The following DDX10 variants were observed in gnomAD, a reference collection of about 807,000 sequenced individuals.
DDX10 encodes probable ATP-dependent RNA helicase DDX10.
In DDX10, 74 loss-of-function variants were observed where a neutral mutation model predicts 104.3. The ratio of observed to expected loss-of-function variants is 0.71; its 90% CI spans 0.59 to 0.86. The LOEUF is 0.86. Among genes scored for constraint, DDX10 ranks in the 40% least tolerant of loss-of-function variants. DDX10 has a pLI of 0.00. For synonymous variants in DDX10, 351 were observed against 353.4 expected, an observed-to-expected ratio of 0.99 and a Z score of 0.08; for missense variants, 952 against 1,040.0, an observed-to-expected ratio of 0.92 and a Z score of 1.16.
chr11:108,896,870 A>C (rs990848344), intron 16 of DDX10, among the ~76,000 whole-genome samples: 5 of 151,840 alleles, frequency 3.3e-5, no homozygotes, highest in African/African-American at 7.3e-5. Flanking sequence ...GACTGGGGGG[A>C]AAAAAAATCC....
intron 1 of DDX10, among the ~76,000 whole-genome samples, chr11:108,668,277 A>G (rs1171829375): frequency 6.6e-6 from 1 of 152,240 alleles, no homozygotes; most frequent in African/African-American, 2.4e-5. Flanking sequence ...GAAGTGAAAA[A>G]GGAGTTCTAA....
At chr11:108,682,075 CT>C (rs1430133228) in intron 6 of DDX10, among the ~76,000 whole-genome samples, 3 of 151,836 alleles carry the variant, frequency 2.0e-5, no homozygotes, top group African/African-American at 7.3e-5. Flanking sequence ...TAAAATGTTT[CT>C]TTTCATCTTT....
At chr11:108,828,620 T>G (rs996668457) in intron 13 of DDX10, among the ~76,000 whole-genome samples, 1 of 152,182 alleles carries the variant, frequency 6.6e-6, no homozygotes, top group Non-Finnish European at 1.5e-5. Flanking sequence ...TAGGTGGGTC[T>G]TAATTTTAAG....
chr11:108,755,724 T>C (rs1049869750), intron 13 of DDX10, among the ~76,000 whole-genome samples: 1 of 152,040 alleles, frequency 6.6e-6, no homozygotes, highest in Non-Finnish European at 1.5e-5. Flanking sequence ...ACGTTGGCTC[T>C]GGAGTAAAAC....
At chr11:108,906,023 A>G (rs569864686) in intron 16 of DDX10, among the ~76,000 whole-genome samples, 4 of 152,240 alleles carry the variant, frequency 2.6e-5, no homozygotes, top group Non-Finnish European at 5.9e-5. Flanking sequence ...ATTGGGGATT[A>G]CAATTCAACA....
Position 108,792,143 on chromosome 11 carries a change from T to A in DDX10, c.1966-46303T>A, listed in dbSNP as rs187515499. 7.2e-4 allele frequency among the ~76,000 whole-genome samples: 109 copies of A among 152,322 alleles called. 1 individual carries two copies. Among genetic ancestry groups the A allele is most frequent in the Admixed American group, 1.5e-3 (23 of 15,292 alleles). ...TTGTTTATCTTTCTAATACTTAGTT[T>A]TAAGATTCTTGACTATATTTGGGTA... On this transcript the variant is annotated intron_variant, in intron 13 of 17. Coordinates refer to ENST00000322536, the MANE Select transcript of DDX10 (RefSeq NM_004398.4).
intron 17 of DDX10, among the ~76,000 whole-genome samples, chr11:108,936,399 TA>T (rs1212291709): frequency 6.6e-6 from 1 of 152,170 alleles, no homozygotes; most frequent in African/African-American, 2.4e-5. Context: ...CTTGTGGAAT[TA>T]AAAAGAGTAA....
intron 17 of DDX10, among the ~76,000 whole-genome samples, chr11:108,937,114 A>AG (rs1481391479): frequency 6.6e-6 from 1 of 152,184 alleles, no homozygotes; most frequent in Non-Finnish European, 1.5e-5. Flanking sequence ...TTGAAGGACA[A>AG]GGGGAAGACC....
intron 16 of DDX10, among the ~76,000 whole-genome samples, chr11:108,870,382 C>T (rs1038464513): frequency 6.6e-6 from 1 of 152,194 alleles, no homozygotes; most frequent in Non-Finnish European, 1.5e-5. Flanking sequence ...TTCAGACCCC[C>T]ATCCTTTAAG....
intron 13 of DDX10, among the ~76,000 whole-genome samples, chr11:108,754,483 T>G (rs572033449): frequency 5.3e-5 from 8 of 152,200 alleles, no homozygotes; most frequent in Non-Finnish European, 1.2e-4. Flanking sequence ...TATTTAATCC[T>G]TCATATTTTT....
intron 17 of DDX10, among the ~76,000 whole-genome samples, chr11:108,927,076 C>A (rs1012885386): frequency 3.9e-5 from 6 of 152,166 alleles, no homozygotes; most frequent in African/African-American, 1.4e-4. Flanking sequence ...CTGTTCTCCA[C>A]CTCCAGACAC....
At chr11:108,820,959 A>T (rs1326949645) in intron 13 of DDX10, among the ~76,000 whole-genome samples, 12 of 152,188 alleles carry the variant, frequency 7.9e-5, no homozygotes, top group Admixed American at 6.5e-4. Context: ...TTTGAGTGTT[A>T]CTCTCAAAGA....
At chr11:108,717,461 C>T (rs2094292985) in intron 11 of DDX10, among the ~76,000 whole-genome samples, 1 of 152,134 alleles carries the variant, frequency 6.6e-6, no homozygotes, top group Admixed American at 6.5e-5. Context: ...AGGCATGCGC[C>T]ACCACACCCG....
intron 16 of DDX10, among the ~76,000 whole-genome samples, chr11:108,900,940 A>G (rs1863509468): frequency 6.6e-6 from 1 of 152,070 alleles, no homozygotes; most frequent in Non-Finnish European, 1.5e-5. Context: ...CCATCACCTA[A>G]TTGCCCTCCT....
chr11:108,924,857 G>C lies in DDX10; in HGVS notation c.2450+6839G>C, dbSNP rs771966506. On this transcript the variant is annotated intron_variant, in intron 17 of 17. Coordinates refer to ENST00000322536, the MANE Select transcript of DDX10 (RefSeq NM_004398.4). ...AAAAGAGCTTTTTCTTAGTCTAGGT[G>C]ATTGTTTAAAAAAACTACTATTCAC... is the stretch of plus-strand genomic sequence containing the variant. Among the ~76,000 whole-genome samples the C allele has an allele frequency of 5.9e-4, 90 of 152,118 alleles. 1 individual carries two copies. Among genetic ancestry groups the C allele is most frequent in the Non-Finnish European group, 1.1e-3 (76 of 68,012 alleles).
chr11:108,708,456 A>G (rs2094279692), intron 10 of DDX10, among the ~76,000 whole-genome samples: 1 of 149,982 alleles, frequency 6.7e-6, no homozygotes, highest in Non-Finnish European at 1.5e-5. Context: ...ATGTGCTAAT[A>G]TTTTGTTAGA....
chr11:108,907,345 T>TTC (rs1555039727), intron 16 of DDX10, among the ~76,000 whole-genome samples: 4 of 149,140 alleles, frequency 2.7e-5, no homozygotes, highest in South Asian at 2.2e-4. Flanking sequence ...TTTTTTTTTT[T>TTC]CCTTTTTTGA....
chr11:108,758,174 G>A (rs2094346755), intron 13 of DDX10, among the ~76,000 whole-genome samples: 1 of 151,972 alleles, frequency 6.6e-6, no homozygotes, highest in African/African-American at 2.4e-5. Flanking sequence ...ATAAGTGAGG[G>A]GTGAAGCTAT....
chr11:108,820,809 C>T (rs563448188), intron 13 of DDX10, among the ~76,000 whole-genome samples: 1 of 152,328 alleles, frequency 6.6e-6, no homozygotes, highest in East Asian at 1.9e-4. Context: ...CTGCTTCTCA[C>T]ATCACGCTTT....
Sources: allele counts gnomAD v4.1 joint callset (sites outside exome capture counted in the v4.1 genomes callset), GRCh38; gene constraint gnomAD v4.1.1; transcripts MANE v1.5; gene names NCBI Gene and HGNC (gene_info 2026-07-23, HGNC 2026-07-21).